ATP8B4: variants seen among roughly 807,000 people sequenced by gnomAD.
ATP8B4 encodes the protein probable phospholipid-transporting ATPase IM.
ATP8B4 carries 133 observed loss-of-function variants against 145.6 expected under a neutral mutation model. The ratio of observed to expected loss-of-function variants is 0.91; its 90% CI spans 0.79 to 1.05. The LOEUF is 1.05. Among genes scored for constraint, ATP8B4 ranks in the 50% least tolerant of loss-of-function variants. ATP8B4 has a pLI of 0.00. For missense variants in ATP8B4, 1,458 were observed against 1,425.2 expected, an observed-to-expected ratio of 1.02 and a Z score of -0.37; for synonymous variants, 507 against 492.9, an observed-to-expected ratio of 1.03 and a Z score of -0.38.
intron 1 of ATP8B4, among the ~76,000 whole-genome samples, chr15:50,171,309 A>G (rs775186784): frequency 5.9e-5 from 9 of 152,232 alleles, no homozygotes; most frequent in Admixed American, 5.2e-4. Context: ...GATATGCCAT[A>G]AAACAAGCCT....
chr15:50,099,386 C>T (rs998381467), intron 2 of ATP8B4, among the ~76,000 whole-genome samples: 6 of 152,060 alleles, frequency 3.9e-5, no homozygotes, highest in African/African-American at 1.2e-4. Flanking sequence ...TCCATGTGAT[C>T]CTCCCACCTC....
At chr15:50,180,148 C>T (rs995403071) in intron 1 of ATP8B4, among the ~76,000 whole-genome samples, 3 of 152,104 alleles carry the variant, frequency 2.0e-5, no homozygotes, top group Non-Finnish European at 2.9e-5. Context: ...GACCCACAGA[C>T]ATTGGTTCAG....
At chr15:50,093,610 C>T (rs1235419484) in intron 2 of ATP8B4, among the ~76,000 whole-genome samples, 1 of 151,684 alleles carries the variant, frequency 6.6e-6, no homozygotes, top group African/African-American at 2.4e-5. Flanking sequence ...TGAATAACAA[C>T]AAATATTAAG....
At chr15:50,023,779 C>CAAAAAAAAAAAAAAAAAGAAAAAAAAAAA (rs2049784902) in intron 6 of ATP8B4, among the ~76,000 whole-genome samples, 3 of 75,044 alleles carry the variant, frequency 4.0e-5, no homozygotes, top group African/African-American at 5.4e-5. Context: ...AGACCAAAGG[C>CAAAAAAAAAAAAAAAAAGAAAAAAAAAAA]AAAAAAAAAA....
At chr15:50,077,283 AGTCT>A (rs1318780376) in intron 2 of ATP8B4, among the ~76,000 whole-genome samples, 1 of 152,244 alleles carries the variant, frequency 6.6e-6, no homozygotes, top group African/African-American at 2.4e-5. Flanking sequence ...TAGCAAGTTG[AGTCT>A]GTCTTTTTCC....
At chr15:50,172,377 C>T (rs905549019) in intron 1 of ATP8B4, among the ~76,000 whole-genome samples, 2 of 152,262 alleles carry the variant, frequency 1.3e-5, no homozygotes, top group East Asian at 3.8e-4. Flanking sequence ...CTCCTGACCG[C>T]GAGTGATCTG....
At chr15:49,880,842 GTGGC>G (rs374600093) in intron 23 of ATP8B4, 1,943 of 151,400 alleles carry the variant, frequency 0.013, no homozygotes, top group African/African-American at 0.045. Flanking sequence ...GCCAGGTGTG[GTGGC>G]TCACACCTGT....
At chr15:49,993,473 G>C (rs1476783846) in intron 9 of ATP8B4, among the ~76,000 whole-genome samples, 1 of 152,080 alleles carries the variant, frequency 6.6e-6, no homozygotes, top group Non-Finnish European at 1.5e-5. Context: ...AGGAAAGCAA[G>C]AGCAATCGTG....
At chr15:50,060,220 T>C (rs1477649065) in intron 3 of ATP8B4, among the ~76,000 whole-genome samples, 1 of 152,158 alleles carries the variant, frequency 6.6e-6, no homozygotes, top group Non-Finnish European at 1.5e-5. Flanking sequence ...GAACTACTTA[T>C]GTGACAAGAC....
chr15:49,989,627 C>CA (rs1400347261), intron 9 of ATP8B4, among the ~76,000 whole-genome samples: 1 of 151,972 alleles, frequency 6.6e-6, no homozygotes, highest in East Asian at 1.9e-4. Context: ...GGAGTAAGGC[C>CA]AAGGGGTACT....
intron 14 of ATP8B4, among the ~76,000 whole-genome samples, chr15:49,958,979 C>A (rs2043828814): frequency 6.6e-6 from 1 of 151,880 alleles, no homozygotes; most frequent in South Asian, 2.1e-4. Flanking sequence ...GTTTCTAAAG[C>A]AAATATAACA....
chr15:50,008,676 A>G (rs990010672), intron 7 of ATP8B4, among the ~76,000 whole-genome samples: 7 of 152,210 alleles, frequency 4.6e-5, no homozygotes, highest in East Asian at 1.9e-4. Flanking sequence ...TAGATGGCCA[A>G]TTGGAGCCTA....
At chr15:49,900,282 C>T (rs553270149) in intron 21 of ATP8B4, among the ~76,000 whole-genome samples, 60 of 152,270 alleles carry the variant, frequency 3.9e-4, no homozygotes, top group African/African-American at 1.1e-3. Flanking sequence ...GACAGCTGAT[C>T]GCAAGGGAGA....
intron 20 of ATP8B4, among the ~76,000 whole-genome samples, chr15:49,906,516 C>T (rs1443890104): frequency 6.6e-6 from 1 of 152,192 alleles, no homozygotes; most frequent in Non-Finnish European, 1.5e-5. Context: ...ACAAGTGATC[C>T]TCTCCATTTA....
chr15:50,006,363 C>CAG (rs1246366686), intron 7 of ATP8B4, among the ~76,000 whole-genome samples: 6 of 150,486 alleles, frequency 4.0e-5, no homozygotes, highest in Non-Finnish European at 5.9e-5. Flanking sequence ...AGATATATAT[C>CAG]AGAGAGAGAG....
At chr15:50,023,443 C>G (rs940183801) in intron 6 of ATP8B4, among the ~76,000 whole-genome samples, 1 of 151,970 alleles carries the variant, frequency 6.6e-6, no homozygotes, top group Non-Finnish European at 1.5e-5. Flanking sequence ...GCATTTATAC[C>G]ACAGTCCTTT....
intron 1 of ATP8B4, among the ~76,000 whole-genome samples, chr15:50,135,598 A>G (rs887201449): frequency 4.6e-5 from 7 of 152,216 alleles, no homozygotes; most frequent in Non-Finnish European, 1.0e-4. Flanking sequence ...TAAAAATCCA[A>G]GCACAAGAAT....
intron 6 of ATP8B4, among the ~76,000 whole-genome samples, chr15:50,037,412 T>C (rs762993291): frequency 5.3e-5 from 8 of 152,202 alleles, no homozygotes; most frequent in Non-Finnish European, 1.0e-4. Context: ...CAAGACTACA[T>C]GGAGAATGCT....
intron 14 of ATP8B4, among the ~76,000 whole-genome samples, chr15:49,960,874 T>C (rs1241325450): frequency 2.0e-5 from 3 of 152,196 alleles, no homozygotes; most frequent in Non-Finnish European, 2.9e-5. Context: ...GGCTCACGCC[T>C]GTAATCCCAG....
Sources: allele counts gnomAD v4.1 joint callset (sites outside exome capture counted in the v4.1 genomes callset), GRCh38; gene constraint gnomAD v4.1.1; transcripts MANE v1.5; gene names NCBI Gene and HGNC (gene_info 2026-07-23, HGNC 2026-07-21).